CDKAL1: variants seen among roughly 807,000 people sequenced by gnomAD.
CDKAL1 encodes CDKAL1 threonylcarbamoyladenosine tRNA methylthiotransferase.
A neutral mutation model predicts 68.2 loss-of-function variants in CDKAL1; 32 were observed. The observed-to-expected ratio is 0.47, with a 90% CI of 0.35 to 0.63. The LOEUF (loss-of-function observed/expected upper bound fraction) is 0.63. Ranked by LOEUF, CDKAL1 falls within the 30% of genes least tolerant of loss-of-function variation. The pLI is 0.00. For synonymous variants in CDKAL1, 234 were observed against 244.3 expected (o/e 0.96, Z 0.39); for missense variants, 606 against 696.7 (o/e 0.87, Z 1.47).
intron 6 of CDKAL1, among the ~76,000 whole-genome samples, chr6:20,755,774 T>C (rs1323656493): frequency 1.3e-5 from 2 of 152,220 alleles, no homozygotes; most frequent in African/African-American, 4.8e-5. Context: ...CTTGGAGTTA[T>C]TGTTATAAAT....
intron 4 of CDKAL1, among the ~76,000 whole-genome samples, chr6:20,606,146 A>G (rs952870604): frequency 6.6e-6 from 1 of 152,066 alleles, no homozygotes; most frequent in African/African-American, 2.4e-5. Context: ...ATTGTTTTAT[A>G]TGTTCGGCCT....
At chr6:20,792,891 A>G (rs953333788) in intron 8 of CDKAL1, among the ~76,000 whole-genome samples, 9 of 152,216 alleles carry the variant, frequency 5.9e-5, no homozygotes, top group African/African-American at 2.2e-4. Context: ...TTTAGTCTAC[A>G]TGGAATATAA....
intron 4 of CDKAL1, among the ~76,000 whole-genome samples, chr6:20,587,705 C>A (rs1164481960): frequency 6.6e-6 from 1 of 152,136 alleles, no homozygotes; most frequent in East Asian, 1.9e-4. Flanking sequence ...TGTACTCCAG[C>A]CTGGGCAACA....
At chr6:20,695,973 A>G (rs1193807045) in intron 5 of CDKAL1, among the ~76,000 whole-genome samples, 1 of 152,142 alleles carries the variant, frequency 6.6e-6, no homozygotes, top group Non-Finnish European at 1.5e-5. Flanking sequence ...CGACGATTCT[A>G]CTTTCTGCCT....
intron 9 of CDKAL1, among the ~76,000 whole-genome samples, chr6:20,905,621 G>A (rs1043748247): frequency 1.3e-5 from 2 of 152,048 alleles, no homozygotes; most frequent in African/African-American, 4.8e-5. Context: ...TGAACTCAGA[G>A]ACCCACATCG....
At chr6:20,613,274 T>C (rs1384347616) in intron 4 of CDKAL1, among the ~76,000 whole-genome samples, 10 of 96,134 alleles carry the variant, frequency 1.0e-4, no homozygotes, top group East Asian at 3.6e-4. Flanking sequence ...TTTTTTTTTT[T>C]TTTTTTTTTT....
chr6:20,646,476 C>T (rs1768467196), intron 4 of CDKAL1, among the ~76,000 whole-genome samples: 1 of 151,634 alleles, frequency 6.6e-6, no homozygotes, highest in Non-Finnish European at 1.5e-5. Flanking sequence ...CTCCATTATA[C>T]TCTTGTGTAT....
intron 4 of CDKAL1, among the ~76,000 whole-genome samples, chr6:20,643,575 C>T (rs1266860471): frequency 6.6e-6 from 1 of 152,166 alleles, no homozygotes; most frequent in African/African-American, 2.4e-5. Context: ...CATGTGGAAT[C>T]ACCATTATTT....
At chr6:20,747,538 AG>A (rs1395381356) in intron 6 of CDKAL1, among the ~76,000 whole-genome samples, 1 of 152,156 alleles carries the variant, frequency 6.6e-6, no homozygotes, top group African/African-American at 2.4e-5. Flanking sequence ...GTGAGGTGAT[AG>A]CTCATGGTGG....
At chr6:20,888,016 T>C (rs1761176765) in intron 9 of CDKAL1, among the ~76,000 whole-genome samples, 2 of 152,122 alleles carry the variant, frequency 1.3e-5, no homozygotes, top group Admixed American at 1.3e-4. Context: ...AGGGTACATG[T>C]GCACAATGTG....
At position 20,609,590 on chromosome 6, in the gene CDKAL1, T is replaced by C. The variant is rs370032774; in HGVS notation, c.287-39703T>C. 6.1e-4 allele frequency among the ~76,000 whole-genome samples: 92 copies of C among 151,924 alleles called. 1 individual carries two copies. The highest frequency in any genetic ancestry group is 2.0e-3 in the Admixed American group (31 of 15,230). On this transcript the variant is annotated intron_variant, in intron 4 of 15. Transcript: ENST00000274695. ...TTTGTATTTTTAGTAGAGATGGGGT[T>C]TCACCATGTTGTTCAGGCTGGTCTC...
intron 8 of CDKAL1, among the ~76,000 whole-genome samples, chr6:20,823,294 T>G (rs1157675397): frequency 6.6e-6 from 1 of 152,200 alleles, no homozygotes. Context: ...TTGTCATGTT[T>G]CCTTACAGTT....
chr6:20,659,622 T>A (rs1466333618), intron 5 of CDKAL1, among the ~76,000 whole-genome samples: 4 of 152,220 alleles, frequency 2.6e-5, no homozygotes, highest in African/African-American at 7.2e-5. Context: ...GTATGCTGAT[T>A]TCTCCCAAAT....
intron 4 of CDKAL1, among the ~76,000 whole-genome samples, chr6:20,571,372 G>C (rs1024102762): frequency 6.6e-6 from 1 of 152,070 alleles, no homozygotes; most frequent in Non-Finnish European, 1.5e-5. Flanking sequence ...AGTTGAACAA[G>C]ACAGATGCAG....
chr6:21,130,265 C>T (rs954191995), intron 13 of CDKAL1, among the ~76,000 whole-genome samples: 1 of 147,046 alleles, frequency 6.8e-6, no homozygotes, highest in African/African-American at 2.5e-5. Flanking sequence ...GCTCTTGTTC[C>T]CCAGGCTGGA....
At chr6:21,194,315 A>G (rs573785462) in intron 13 of CDKAL1, among the ~76,000 whole-genome samples, 108 of 152,338 alleles carry the variant, frequency 7.1e-4, no homozygotes, top group African/African-American at 2.5e-3. Context: ...CATTTTTCAC[A>G]GTGATGTAAC....
chr6:20,788,724 T>A (rs1775776273), intron 8 of CDKAL1, among the ~76,000 whole-genome samples: 1 of 152,230 alleles, frequency 6.6e-6, no homozygotes, highest in Admixed American at 6.5e-5. Context: ...CGTCATTCTC[T>A]GAGACCCCTT....
rs538256267 is a variant in CDKAL1 at position 21,073,548 on chromosome 6, G to A, written c.1236+8320G>A. ...TTTTGGATTTTGGCCATTGTAACAG[G>A]TGTGTAATGGTATCTCACTGTAGTT... On this transcript the variant is annotated intron_variant, in intron 12 of 15. Coordinates refer to ENST00000274695, the MANE Select transcript of CDKAL1 (RefSeq NM_017774.3). Among the ~76,000 whole-genome samples, 3 of 152,294 alleles carry A rather than the reference G, an allele frequency of 2.0e-5. No homozygotes were observed. In the South Asian group the frequency reaches 6.2e-4, roughly 32 times the overall value.
At chr6:21,105,352 C>T (rs1465062596) in intron 12 of CDKAL1, among the ~76,000 whole-genome samples, 10 of 152,072 alleles carry the variant, frequency 6.6e-5, no homozygotes, top group South Asian at 4.2e-4. Context: ...TGCTCAGAGG[C>T]GGAGAGAGGA....
Sources: allele counts gnomAD v4.1 joint callset (sites outside exome capture counted in the v4.1 genomes callset), GRCh38; gene constraint gnomAD v4.1.1; transcripts MANE v1.5; gene names NCBI Gene and HGNC (gene_info 2026-07-23, HGNC 2026-07-21).